The following RANGAP1 variants were observed in gnomAD, a reference collection of about 807,000 sequenced individuals.
RANGAP1 encodes Ran GTPase activating protein 1, also known as ran GTPase-activating protein 1.
In RANGAP1, 38 loss-of-function variants were observed where a neutral mutation model predicts 63.5. The ratio of observed to expected loss-of-function variants is 0.60; its 90% confidence interval spans 0.46 to 0.78. RANGAP1 has a LOEUF of 0.78. Ranked by LOEUF, RANGAP1 falls within the 30% of genes least tolerant of loss-of-function variation. The pLI is 0.00. For synonymous variants in RANGAP1, 329 were observed against 310.5 expected (o/e 1.06, Z -0.63); for missense variants, 630 against 740.3 (o/e 0.85, Z 1.73).
upstream of RANGAP1, among the ~76,000 whole-genome samples, chr22:41,290,954 C>A (rs543163215): frequency 8.7e-4 from 132 of 152,312 alleles, no homozygotes; most frequent in Non-Finnish European, 1.7e-3. Flanking sequence ...AGCCCACCTG[C>A]AGGGCAAGGC....
chr22:41,251,347 C>T (rs1009107449), intron 12 of RANGAP1, among the ~76,000 whole-genome samples: 1 of 152,156 alleles, frequency 6.6e-6, no homozygotes, highest in Non-Finnish European at 1.5e-5. Context: ...TCATCCCAGC[C>T]GGGTGTGGCG....
Position 41,274,581 on chromosome 22 carries a change from C to T in RANGAP1, c.240+19G>A. 6.2e-7 allele frequency: 1 copy of T among 1,613,426 alleles called. No homozygotes were observed. On this transcript the variant is annotated intron_variant, in intron 3 of 15. Transcript: ENST00000356244. Reference sequence around the variant, plus strand: ...GCTTGTTCAAACCAGCCTGGGCCTACTCGCCCCACTCTGCTCACCTTCAAC... The same window carrying T: ...GCTTGTTCAAACCAGCCTGGGCCTATTCGCCCCACTCTGCTCACCTTCAAC...
At chr22:41,251,149 G>T (rs1255971978) in intron 12 of RANGAP1, 40 bp from the exon 13 acceptor site, 2 of 1,541,088 alleles carry the variant, frequency 1.3e-6, no homozygotes, top group African/African-American at 1.4e-5. Context: ...GTGGCACGTG[G>T]TGGAGAGGTA....
chr22:41,280,868 G>A (rs2035456248), intron 2 of RANGAP1, 65 bp downstream of exon 2: 3 of 1,605,146 alleles, frequency 1.9e-6, no homozygotes, highest in East Asian at 4.5e-5. Flanking sequence ...CTGACAACCA[G>A]TAAGAGTTCA....
chr22:41,287,610 T>G (rs1263547512), upstream of RANGAP1, among the ~76,000 whole-genome samples: 1 of 150,624 alleles, frequency 6.6e-6, no homozygotes, highest in Admixed American at 6.6e-5. Context: ...CAGTGAGCCG[T>G]GATTGCACCA....
the RANGAP1 span, among the ~76,000 whole-genome samples, chr22:41,295,140 C>T: frequency 0.014 from 1,969 of 136,798 alleles, 40 homozygotes; most frequent in African/African-American, 0.061. Context: ...TCTGCCCGGC[C>T]GCCCCTACTG....
At chr22:41,299,747 C>T in the RANGAP1 span, among the ~76,000 whole-genome samples, 2 of 151,810 alleles carry the variant, frequency 1.3e-5, no homozygotes, top group African/African-American at 4.8e-5. Context: ...CCTCCTGGCC[C>T]TTTTCTTTTT....
At chr22:41,289,202 GCGT>G (rs1280548515), upstream of RANGAP1, among the ~76,000 whole-genome samples, 1 of 151,928 alleles carries the variant, frequency 6.6e-6, no homozygotes, top group African/African-American at 2.4e-5. Flanking sequence ...TACAGTACAG[GCGT>G]GAGCCACTGT....
At chr22:41,292,779 C>T in the RANGAP1 span, among the ~76,000 whole-genome samples, 2 of 151,856 alleles carry the variant, frequency 1.3e-5, no homozygotes, top group Non-Finnish European at 2.9e-5. Context: ...TCCTCTTGTT[C>T]CAAAATGGAA....
intron 13 of RANGAP1, 94 bp downstream of exon 13, chr22:41,250,913 T>C: frequency 1.1e-5 from 11 of 1,038,718 alleles, no homozygotes; most frequent in Non-Finnish European, 1.6e-5. Context: ...ATGAGAGCGC[T>C]GGGGCTGACG....
chr22:41,285,495 C>T, intron 1 of RANGAP1: 1 of 985,276 alleles, frequency 1.0e-6, no homozygotes, highest in Non-Finnish European at 1.2e-6. Context: ...ACGTCAGAGA[C>T]TTTCTGAGGT....
chr22:41,284,424 G>A (rs576571319), intron 1 of RANGAP1, among the ~76,000 whole-genome samples: 4 of 151,900 alleles, frequency 2.6e-5, no homozygotes, highest in Admixed American at 1.3e-4. Context: ...AAAATTAACC[G>A]GGCGTGGTGG....
intron 4 of RANGAP1, among the ~76,000 whole-genome samples, chr22:41,265,555 C>A (rs1187647116): frequency 6.6e-6 from 1 of 152,076 alleles, no homozygotes; most frequent in Admixed American, 6.6e-5. Context: ...GAGGGAGGAA[C>A]CACAAATGCC....
In RANGAP1 at chr22:41,254,334, G is replaced by C. The variant is rs139571477; in HGVS notation, c.1234C>G (p.Arg412Gly). 4.8e-4 allele frequency: 779 copies of C among 1,614,068 alleles called. No homozygotes were observed. Among genetic ancestry groups the C allele is most frequent in the Non-Finnish European group, 6.4e-4 (750 of 1,180,008 alleles). ...GQGEKSATPS[R>G]KILDPNTGEP... ...CCAGTGTTAGGGTCCAGAATCTTCC[G>C]TGAGGGCGTGGCTGACTTCTCTCCC... The change falls in exon 11 of 16, where the codon CGG becomes GGG. Residue 412 changes from arginine to glycine, a missense_variant. Around this residue, in one of 3 missense-constraint regions of RANGAP1, gnomAD observed 428 missense variants for 465.5 expected, o/e 0.92. Coordinates refer to ENST00000356244, the MANE Select transcript of RANGAP1 (RefSeq NM_002883.4).
At chr22:41,267,751 G>C (rs922793150) in intron 4 of RANGAP1, among the ~76,000 whole-genome samples, 2 of 152,184 alleles carry the variant, frequency 1.3e-5, no homozygotes, top group African/African-American at 4.8e-5. Context: ...AGGACTGCGA[G>C]GTGCAGGAAG....
chr22:41,293,505 T>C, the RANGAP1 span, among the ~76,000 whole-genome samples: 115,868 of 151,776 alleles, frequency 0.76, 44,953 homozygotes, highest in Middle Eastern at 0.8. Context: ...TTAGGCTGGG[T>C]GCAGTGCCTC....
At chr22:41,288,184 A>G (rs964962655), upstream of RANGAP1, among the ~76,000 whole-genome samples, 2 of 151,678 alleles carry the variant, frequency 1.3e-5, no homozygotes, top group Non-Finnish European at 2.9e-5. Flanking sequence ...TCCTCTTTCC[A>G]CCTTCCCTCT....
At chr22:41,301,372 A>C in the RANGAP1 span, 4 of 152,204 alleles carry the variant, frequency 2.6e-5, no homozygotes, top group Non-Finnish European at 4.4e-5. Flanking sequence ...GGTGAATTCC[A>C]GGCATGAGCT....
chr22:41,280,149 T>C (rs1022960553), intron 2 of RANGAP1, among the ~76,000 whole-genome samples: 81 of 151,864 alleles, frequency 5.3e-4, no homozygotes, highest in African/African-American at 1.9e-3. Flanking sequence ...TTAGACCTTA[T>C]GGAGATGTTA....
Sources: allele counts gnomAD v4.1 joint callset (sites outside exome capture counted in the v4.1 genomes callset), GRCh38; gene constraint gnomAD v4.1.1; regional missense constraint gnomAD v4.1.1; transcripts MANE v1.5; gene names NCBI Gene and HGNC (gene_info 2026-07-23, HGNC 2026-07-21).